Variants in UGT1A4 observed in about 807,000 individuals in gnomAD.
UGT1A4 encodes UDP-glucuronosyltransferase 1A4.
Under a neutral mutation model 41.1 loss-of-function variants are expected in UGT1A4, and 32 were observed. The observed-to-expected ratio is 0.78, with a 90% CI of 0.59 to 1.05. UGT1A4 has a LOEUF of 1.05. Ranked by LOEUF, UGT1A4 falls within the 50% of genes least tolerant of loss-of-function variation. The pLI is 0.00. For synonymous variants in UGT1A4, 283 were observed against 265.1 expected (o/e 1.07, Z -0.66); for missense variants, 748 against 677.4 (o/e 1.10, Z -1.16).
chr2:233,765,207 A>G (rs1013371126), intron 1 of UGT1A4, among the ~76,000 whole-genome samples: 18 of 152,214 alleles, frequency 1.2e-4, no homozygotes, highest in Non-Finnish European at 1.5e-5. Context: ...TAGTGCCCTC[A>G]GTATTCTTTG....
chr2:233,760,321 G>A, intron 1 of UGT1A4: 1 of 1,614,014 alleles, frequency 6.2e-7, no homozygotes, highest in Non-Finnish European at 8.5e-7. Context: ...ACGCCCACTT[G>A]TCCTGGGCCT....
At chr2:233,735,560 T>C (rs1442054621) in intron 1 of UGT1A4, among the ~76,000 whole-genome samples, 1 of 152,236 alleles carries the variant, frequency 6.6e-6, no homozygotes, top group African/African-American at 2.4e-5. Flanking sequence ...ATTATGGTGT[T>C]ATCGGGTTAT....
At position 233,760,496 on chromosome 2, in the gene UGT1A4, A is replaced by G. The variant is rs766949747; in HGVS notation, c.868-6538A>G. ...CCTGACGCCTCGTTGTACATCAGAG[A>G]CGGAGCATTTTACACCTTGAAGACG... On this transcript the variant is annotated intron_variant, in intron 1 of 4. Transcript: ENST00000373409. 4 of 1,614,258 alleles carry G rather than the reference A, an allele frequency of 2.5e-6. No homozygotes were observed. The South Asian group carries it at 4.4e-5, about 18-fold the overall frequency.
intron 1 of UGT1A4, chr2:233,743,701 C>A (rs13009407): frequency 2.9e-6 from 4 of 1,367,150 alleles, no homozygotes; most frequent in South Asian, 2.3e-5. Context: ...CGCCCTCCGC[C>A]CCCGCCTCGC....
intron 1 of UGT1A4, among the ~76,000 whole-genome samples, chr2:233,731,890 C>A (rs2125767900): frequency 6.6e-6 from 1 of 152,340 alleles, no homozygotes; most frequent in Admixed American, 6.5e-5. Flanking sequence ...AACTAATTTA[C>A]ACTCCCACCA....
chr2:233,752,243 C>G (rs777804991), intron 1 of UGT1A4: 1 of 152,156 alleles, frequency 6.6e-6, no homozygotes, highest in Non-Finnish European at 1.5e-5. Context: ...TTTTTGGACC[C>G]TACTGTGATG....
chr2:233,727,656 C>T (rs982873405), intron 1 of UGT1A4, among the ~76,000 whole-genome samples: 1 of 152,148 alleles, frequency 6.6e-6, no homozygotes, highest in Non-Finnish European at 1.5e-5. Context: ...CTTTCTAGTG[C>T]TCTATGTCCT....
intron 1 of UGT1A4, among the ~76,000 whole-genome samples, chr2:233,765,522 C>T (rs1046114337): frequency 3.9e-5 from 6 of 151,992 alleles, no homozygotes; most frequent in East Asian, 1.9e-4. Flanking sequence ...AATCAAACAC[C>T]GCATGTTCTC....
At chr2:233,766,576 G>A (rs983735374) in intron 1 of UGT1A4, among the ~76,000 whole-genome samples, 1 of 152,162 alleles carries the variant, frequency 6.6e-6, no homozygotes, top group Non-Finnish European at 1.5e-5. Flanking sequence ...GCACAGGTCT[G>A]GGGGTGGAGC....
At chr2:233,746,438 T>A (rs1187941624) in intron 1 of UGT1A4, among the ~76,000 whole-genome samples, 3 of 151,694 alleles carry the variant, frequency 2.0e-5, no homozygotes, top group Admixed American at 1.3e-4. Flanking sequence ...TGTCTTCAGC[T>A]TAAAAAGAAA....
At chr2:233,740,322 A>G (rs1210904634) in intron 1 of UGT1A4, among the ~76,000 whole-genome samples, 1 of 151,968 alleles carries the variant, frequency 6.6e-6, no homozygotes, top group African/African-American at 2.4e-5. Context: ...ATGAATCTGC[A>G]TTTATTGAGA....
chr2:233,757,465 C>G (rs1305238385), intron 1 of UGT1A4, among the ~76,000 whole-genome samples: 7 of 149,236 alleles, frequency 4.7e-5, no homozygotes, highest in Non-Finnish European at 5.9e-5. Flanking sequence ...AGAGCGCTTA[C>G]TGTCTCCAAA....
Position 233,769,666 on chromosome 2 carries a change from T to C in UGT1A4, c.1307+1227T>C. 1 of 1,592,264 alleles carries C rather than the reference T, an allele frequency of 6.3e-7. No individual in the cohort carries two copies. The highest frequency in any genetic ancestry group is 8.6e-7 in the Non-Finnish European group (1 of 1,169,428). On this transcript the variant is annotated intron_variant, in intron 4 of 4. Transcript: ENST00000373409. This position sits in a 1 kb window ranked among gnomAD's most constrained non-coding sequence, Gnocchi z 4.4. ...GATGACTGACTTCCCACCTTTGAGG[T>C]GCTAATGTGTGTGTGGTGGCACTGG...
intron 1 of UGT1A4, chr2:233,743,832 T>TG (rs1692537259): frequency 7.3e-7 from 1 of 1,367,134 alleles, no homozygotes; most frequent in South Asian, 1.1e-5. Flanking sequence ...GGGTGCCACT[T>TG]GAGCGCCAGC....
In UGT1A4 at chr2:233,755,092, A is replaced by T. The variant is rs549594693; in HGVS notation, c.868-11942A>T. ...TAGCGGTCATAGATATCGCGTTTCT[A>T]CGCGTCCGACAACACCTCGTAGGCC... On this transcript the variant is annotated intron_variant, in intron 1 of 4. Transcript: ENST00000373409. 773 of 1,335,120 alleles carry T rather than the reference A, an allele frequency of 5.8e-4. 7 individuals carry two copies. Among genetic ancestry groups the T allele is most frequent in the Non-Finnish European group, 7.2e-4 (712 of 992,672 alleles). 82.7% of individuals were successfully genotyped at this position (1,335,120 alleles called of 1,614,324 possible).
rs1302197781 is a variant in UGT1A4, at chr2:233,744,044, A to G, written c.868-22990A>G. ...GAGACGCCCCTTATGACGCAGCCAC[A>G]TCTCATTGGTCGAGGCCTATGAGCG... is the stretch of plus-strand genomic sequence containing the variant. On this transcript the variant is annotated intron_variant, in intron 1 of 4. Coordinates refer to ENST00000373409, the MANE Select transcript of UGT1A4 (RefSeq NM_007120.3). 3 of 731,946 alleles carry G rather than the reference A, an allele frequency of 4.1e-6. No homozygotes were observed. In the Admixed American group the frequency reaches 1.1e-4, roughly 26 times the overall value. The allele number at this position is 731,946 out of a possible 1,614,324, so 45.3% of individuals were successfully genotyped here. A position where few individuals can be genotyped will look rare whatever the true frequency, so the allele number is the denominator to read the frequency against.
chr2:233,727,683 T>C (rs2077639465), intron 1 of UGT1A4, among the ~76,000 whole-genome samples: 1 of 152,204 alleles, frequency 6.6e-6, no homozygotes, highest in Admixed American at 6.5e-5. Flanking sequence ...TTCCCAGGAA[T>C]CATCCTCTAC....
intron 1 of UGT1A4, among the ~76,000 whole-genome samples, chr2:233,726,499 G>A (rs2077536010): frequency 6.6e-6 from 1 of 151,996 alleles, no homozygotes; most frequent in Non-Finnish European, 1.5e-5. Context: ...TATTAATTTT[G>A]GAATTTCATG....
chr2:233,770,903 T>C (rs35203651), intron 4 of UGT1A4: 14,100 of 152,250 alleles, frequency 0.093, 767 homozygotes, highest in South Asian at 0.16. Flanking sequence ...CTGCAGGCTG[T>C]ACAGGAAGCT....
Sources: allele counts gnomAD v4.1 joint callset (sites outside exome capture counted in the v4.1 genomes callset), GRCh38; gene constraint gnomAD v4.1.1; non-coding constraint Gnocchi (gnomAD v3.1); transcripts MANE v1.5; gene names NCBI Gene and HGNC (gene_info 2026-07-23, HGNC 2026-07-21).